The following MYOM1 variants were observed in gnomAD, a reference collection of about 807,000 sequenced individuals.
The protein encoded by MYOM1 is myomesin 1.
MYOM1 carries 164 observed loss-of-function variants against 205.3 expected under a neutral mutation model. The ratio of observed to expected loss-of-function variants is 0.80; its 90% CI spans 0.70 to 0.91. The LOEUF is 0.91. Among genes scored for constraint, MYOM1 ranks in the 40% least tolerant of loss-of-function variants. MYOM1 has a pLI of 0.00. For synonymous variants in MYOM1, 772 were observed against 789.4 expected (o/e 0.98, Z 0.37); for missense variants, 2,011 against 2,127.3 (o/e 0.95, Z 1.08).
At chr18:3,134,505 T>G in intron 16 of MYOM1, 145 bp downstream of exon 16, 3 of 821,714 alleles carry the variant, frequency 3.7e-6, no homozygotes, top group Non-Finnish European at 3.5e-6. Context: ...CCTCCGAAAG[T>G]GCTAGGATTA....
At chr18:3,194,059 T>A in intron 2 of MYOM1, 101 bp from the exon 3 acceptor site, 1 of 1,186,574 alleles carries the variant, frequency 8.4e-7, no homozygotes, top group Non-Finnish European at 1.2e-6. Context: ...TTTTACCAAA[T>A]CCTAGATCTC....
chr18:3,230,657 A>G, the MYOM1 span, among the ~76,000 whole-genome samples: 1 of 152,188 alleles, frequency 6.6e-6, no homozygotes, highest in African/African-American at 2.4e-5. Context: ...GACTGATCTC[A>G]GGCCACTACT....
At chr18:3,120,099 TAGG>T in intron 19 of MYOM1, 104 bp from the exon 20 acceptor site, 1 of 1,429,628 alleles carries the variant, frequency 7.0e-7, no homozygotes, top group Non-Finnish European at 9.2e-7. Context: ...AGACACACCC[TAGG>T]GTGACCCTCA....
intron 3 of MYOM1, among the ~76,000 whole-genome samples, chr18:3,191,838 GGT>G (rs2080910544): frequency 6.6e-6 from 1 of 151,968 alleles, no homozygotes; most frequent in Non-Finnish European, 1.5e-5. Flanking sequence ...TGGGACTACA[GGT>G]GCCCGCCACC....
At chr18:3,164,550 T>A in intron 9 of MYOM1, 111 bp from the exon 10 acceptor site, 1 of 1,047,328 alleles carries the variant, frequency 9.5e-7, no homozygotes, top group Non-Finnish European at 1.4e-6. Context: ...GTAATTTAAC[T>A]ACTAGAGGAA....
intron 10 of MYOM1, among the ~76,000 whole-genome samples, chr18:3,155,357 G>A (rs990297554): frequency 3.9e-5 from 6 of 152,172 alleles, no homozygotes; most frequent in African/African-American, 9.7e-5. Context: ...GAGTAGCTGG[G>A]ACTACAGGCA....
chr18:3,193,922 T>C lies in MYOM1; in HGVS notation c.327A>G (p.Ser109=), dbSNP rs771629164. Residue 109 remains serine (S), a synonymous_variant, in exon 3 of 38, where the codon TCA becomes TCG. Coordinates refer to ENST00000356443, the MANE Select transcript of MYOM1 (RefSeq NM_003803.4). Reference sequence around the variant, plus strand: ...TCTTTGGTTTGGGGCTCAACTTGGATGAATAATCATCTAACAGCAGACTGG... The same window carrying C: ...TCTTTGGTTTGGGGCTCAACTTGGACGAATAATCATCTAACAGCAGACTGG... The part of the protein sequence containing the change: ...TDSSLLLDDY[S]SKLSPKPKRA... 2.5e-6 allele frequency: 4 copies of C among 1,613,644 alleles called. No individual in the cohort carries two copies. The highest frequency in any genetic ancestry group is 4.5e-5 in the East Asian group (2 of 44,868).
intron 22 of MYOM1, 50 bp from the exon 23 acceptor site, chr18:3,102,680 A>G (rs1254774385): frequency 6.4e-7 from 1 of 1,573,366 alleles, no homozygotes; most frequent in South Asian, 1.2e-5. Context: ...AAAGCAACCA[A>G]GTAAGAATTT....
At chr18:3,131,815 G>C (rs566047176) in intron 16 of MYOM1, among the ~76,000 whole-genome samples, 283 of 151,660 alleles carry the variant, frequency 1.9e-3, no homozygotes, top group African/African-American at 6.3e-3. Context: ...TAGACAAGAA[G>C]GTAACTAAGG....
intron 30 of MYOM1, among the ~76,000 whole-genome samples, chr18:3,085,819 G>GAAAAGC (rs1317800830): frequency 3.3e-5 from 5 of 152,184 alleles, no homozygotes; most frequent in Non-Finnish European, 5.9e-5. Context: ...AAGCAACTCA[G>GAAAAGC]AAAAGCAAGA....
At chr18:3,110,872 C>T (rs1412931342) in intron 22 of MYOM1, among the ~76,000 whole-genome samples, 1 of 150,900 alleles carries the variant, frequency 6.6e-6, no homozygotes, top group Non-Finnish European at 1.5e-5. Context: ...TTCTAATGTA[C>T]AGGCAAGATT....
At chr18:3,200,932 A>T (rs2081058141) in intron 2 of MYOM1, among the ~76,000 whole-genome samples, 2 of 152,244 alleles carry the variant, frequency 1.3e-5, no homozygotes, top group Non-Finnish European at 2.9e-5. Flanking sequence ...AGACCTGGAA[A>T]TATCGAAGTC....
chr18:3,072,415 G>T (rs1271920009), intron 36 of MYOM1, among the ~76,000 whole-genome samples: 1 of 138,374 alleles, frequency 7.2e-6, no homozygotes, highest in South Asian at 2.4e-4. Flanking sequence ...ATGCAGTGGC[G>T]CAATCTCAGC....
chr18:3,102,914 C>T (rs900285769), intron 22 of MYOM1, among the ~76,000 whole-genome samples: 2 of 152,210 alleles, frequency 1.3e-5, no homozygotes, highest in African/African-American at 4.8e-5. Context: ...GGATTGATTG[C>T]AATGAGGAAA....
rs751771519 is a variant in MYOM1 at position 3,094,280 on chromosome 18, C to A, written c.3754G>T (p.Val1252Phe). 1.2e-6 allele frequency: 2 copies of A among 1,613,482 alleles called. No homozygotes were observed. Among genetic ancestry groups the A allele is most frequent in the Non-Finnish European group, 1.7e-6 (2 of 1,179,710 alleles). ...ACCTGGCCTTTCTCCAAAATTTCAA[C>A]TGCCAACTCTGATTTAACTGGGACA... ...PTVPVKSELA[V>F]EILEKGQVRF... Residue 1252 changes from valine (V) to phenylalanine (F), a missense_variant, in exon 26 of 38, where the codon GTT becomes TTT. Transcript: ENST00000356443.
intron 26 of MYOM1, among the ~76,000 whole-genome samples, chr18:3,093,866 C>A (rs1290056537): frequency 6.6e-6 from 1 of 152,104 alleles, no homozygotes; most frequent in Admixed American, 6.6e-5. Context: ...AGGGTATGGG[C>A]TCCTCTGCCT....
intron 10 of MYOM1, among the ~76,000 whole-genome samples, chr18:3,161,299 A>AT (rs1470167778): frequency 6.6e-6 from 1 of 152,152 alleles, no homozygotes; most frequent in South Asian, 2.1e-4. Flanking sequence ...TTCAGTGGTC[A>AT]TTTTTACTGT....
intron 7 of MYOM1, 52 bp from the exon 8 acceptor site, chr18:3,174,052 T>A: frequency 3.1e-6 from 5 of 1,607,778 alleles, no homozygotes; most frequent in Non-Finnish European, 4.3e-6. Context: ...CGATTTATTT[T>A]AAAACCATGG....
intron 19 of MYOM1, among the ~76,000 whole-genome samples, chr18:3,122,079 A>G (rs886766708): frequency 6.6e-6 from 1 of 152,198 alleles, no homozygotes; most frequent in Non-Finnish European, 1.5e-5. Flanking sequence ...AGATCATGCC[A>G]CTGTACTCCA....
Sources: allele counts gnomAD v4.1 joint callset (sites outside exome capture counted in the v4.1 genomes callset), GRCh38; gene constraint gnomAD v4.1.1; transcripts MANE v1.5; gene names NCBI Gene and HGNC (gene_info 2026-07-23, HGNC 2026-07-21).